Variants in TENM4 observed in about 807,000 individuals in gnomAD.
The protein encoded by TENM4 is teneurin transmembrane protein 4, also known as teneurin-4.
In TENM4, 82 loss-of-function variants were observed where a neutral mutation model predicts 243.3. The ratio of observed to expected loss-of-function variants is 0.34; its 90% confidence interval spans 0.28 to 0.40. The LOEUF is 0.40. TENM4 is among the 10% of genes least tolerant of loss of function. The pLI, the probability that TENM4 is intolerant of heterozygous loss-of-function variation, is 1.00. For missense variants in TENM4, 3,138 were observed against 3,673.3 expected, an observed-to-expected ratio of 0.85 and a Z score of 3.77; for synonymous variants, 1,412 against 1,456.3, an observed-to-expected ratio of 0.97 and a Z score of 0.69.
chr11:78,918,101 G>A (rs585251), intron 6 of TENM4, among the ~76,000 whole-genome samples: 147,991 of 152,298 alleles, frequency 0.97, 72,012 homozygotes, highest in Middle Eastern at 0.99. Context: ...TTCGACTCCC[G>A]TGCTCTTAAC....
intron 1 of TENM4, among the ~76,000 whole-genome samples, chr11:79,367,787 G>T (rs1252798272): frequency 1.3e-5 from 2 of 152,184 alleles, no homozygotes; most frequent in Non-Finnish European, 1.5e-5. Context: ...CAAATGGCCT[G>T]CTTTGACCAA....
At chr11:78,897,908 G>A (rs1232602469) in intron 7 of TENM4, among the ~76,000 whole-genome samples, 3 of 152,184 alleles carry the variant, frequency 2.0e-5, no homozygotes, top group African/African-American at 4.8e-5. Context: ...ATGGACCCCA[G>A]GCTTCCCTAC....
chr11:79,122,840 C>T (rs1231909814), intron 4 of TENM4, among the ~76,000 whole-genome samples: 1 of 152,204 alleles, frequency 6.6e-6, no homozygotes, highest in Non-Finnish European at 1.5e-5. Flanking sequence ...GTCTAGAAAA[C>T]ATCTGTAGGC....
intron 6 of TENM4, among the ~76,000 whole-genome samples, chr11:78,908,364 A>G (rs1856109967): frequency 6.6e-6 from 1 of 152,242 alleles, no homozygotes; most frequent in South Asian, 2.1e-4. Context: ...ACTTAGCACC[A>G]TGCTTGGAAT....
At chr11:79,430,222 A>G (rs939165545) in intron 1 of TENM4, among the ~76,000 whole-genome samples, 13 of 151,922 alleles carry the variant, frequency 8.6e-5, no homozygotes, top group Non-Finnish European at 1.9e-4. Flanking sequence ...AAAAAAAAGG[A>G]ATGTCTGCTT....
intron 1 of TENM4, among the ~76,000 whole-genome samples, chr11:79,384,959 A>AAAATAAAATAAAATG (rs1324807939): frequency 4.1e-4 from 62 of 150,828 alleles, no homozygotes; most frequent in Middle Eastern, 3.4e-3. Context: ...AAAATAAAAT[A>AAAATAAAATAAAATG]AAATAAAATA....
intron 3 of TENM4, among the ~76,000 whole-genome samples, chr11:79,209,160 C>G (rs1863906893): frequency 6.6e-6 from 1 of 152,236 alleles, no homozygotes; most frequent in African/African-American, 2.4e-5. Flanking sequence ...TGCAATCATT[C>G]TGACTGCACA....
At chr11:78,924,959 C>T (rs752214570) in intron 6 of TENM4, among the ~76,000 whole-genome samples, 1 of 152,206 alleles carries the variant, frequency 6.6e-6, no homozygotes, top group Non-Finnish European at 1.5e-5. Flanking sequence ...TTTATGAATG[C>T]TAACTGCTAG....
rs1024798888 is a variant in TENM4 at position 78,988,795 on chromosome 11, C to T, written c.493+75943G>A. Among the ~76,000 whole-genome samples the T allele has an allele frequency of 7.9e-5, 12 of 152,214 alleles. 1 individual carries two copies. The highest frequency in any genetic ancestry group is 2.2e-4 in the African/African-American group (9 of 41,452). On this transcript the variant is annotated intron_variant, in intron 6 of 33. Coordinates refer to ENST00000278550, the MANE Select transcript of TENM4 (RefSeq NM_001098816.3). ...GCTCAAGCAATCCTCTCACCTCAGC[C>T]CCCTGAGTAGCTGGGACTACAGGCA...
intron 4 of TENM4, among the ~76,000 whole-genome samples, chr11:79,080,564 T>G (rs1294619972): frequency 6.6e-6 from 1 of 152,194 alleles, no homozygotes; most frequent in Non-Finnish European, 1.5e-5. Flanking sequence ...GGAAGCCTCT[T>G]GGTGCAGCCT....
At chr11:79,165,737 T>C (rs1407846874) in intron 3 of TENM4, among the ~76,000 whole-genome samples, 1 of 152,200 alleles carries the variant, frequency 6.6e-6, no homozygotes, top group Non-Finnish European at 1.5e-5. Context: ...GAAGGGTTTT[T>C]CCAATGTTAT....
chr11:79,351,823 T>C (rs1345802529), intron 1 of TENM4, among the ~76,000 whole-genome samples: 3 of 152,214 alleles, frequency 2.0e-5, no homozygotes, highest in Non-Finnish European at 2.9e-5. Context: ...CTTTTTTCTG[T>C]TGAGGGCATG....
At chr11:79,245,432 A>G (rs555560498) in intron 2 of TENM4, among the ~76,000 whole-genome samples, 1 of 152,244 alleles carries the variant, frequency 6.6e-6, no homozygotes, top group South Asian at 2.1e-4. Flanking sequence ...CCCTCCCTAG[A>G]GGGAAAAGTG....
At chr11:78,855,156 A>C (rs1226381569) in intron 11 of TENM4, among the ~76,000 whole-genome samples, 1 of 152,254 alleles carries the variant, frequency 6.6e-6, no homozygotes, top group East Asian at 1.9e-4. Flanking sequence ...ACCAGTCTGC[A>C]GTCAACAGGG....
At chr11:79,050,291 T>C (rs903046142) in intron 6 of TENM4, among the ~76,000 whole-genome samples, 3 of 152,234 alleles carry the variant, frequency 2.0e-5, no homozygotes, top group African/African-American at 7.2e-5. Context: ...ATCCATCTTT[T>C]AGCACTAGCT....
intron 3 of TENM4, among the ~76,000 whole-genome samples, chr11:79,199,674 A>T (rs1863702430): frequency 6.6e-6 from 1 of 152,196 alleles, no homozygotes; most frequent in Non-Finnish European, 1.5e-5. Flanking sequence ...GGGTGGCTGG[A>T]TGTGGTGCCC....
intron 1 of TENM4, among the ~76,000 whole-genome samples, chr11:79,339,932 G>A (rs1023736629): frequency 1.3e-5 from 2 of 152,156 alleles, no homozygotes; most frequent in African/African-American, 4.8e-5. Flanking sequence ...AGGCATGGGT[G>A]GGGGCCACAG....
At chr11:79,185,776 A>C (rs1398868216) in intron 3 of TENM4, among the ~76,000 whole-genome samples, 1 of 152,212 alleles carries the variant, frequency 6.6e-6, no homozygotes, top group African/African-American at 2.4e-5. Flanking sequence ...TGGCCTAGGA[A>C]GAAAAACATC....
intron 4 of TENM4, among the ~76,000 whole-genome samples, chr11:79,076,585 G>T (rs918839468): frequency 6.6e-6 from 1 of 152,186 alleles, no homozygotes; most frequent in Non-Finnish European, 1.5e-5. Flanking sequence ...GGGAATTCAA[G>T]ATGAGATATG....
Sources: gnomAD v4.1 joint callset for allele counts (sites outside exome capture counted in the v4.1 genomes callset) on GRCh38, gnomAD v4.1.1 for gene constraint, MANE v1.5 for transcripts, NCBI Gene and HGNC (gene_info 2026-07-23, HGNC 2026-07-21) for gene names.